Variants in COL28A1 observed in about 807,000 individuals in gnomAD.
COL28A1 encodes collagen alpha-1(XXVIII) chain.
In COL28A1, 161 loss-of-function variants were observed where a neutral mutation model predicts 150.2. The ratio of observed to expected loss-of-function variants is 1.07; its 90% CI spans 0.94 to 1.22. COL28A1 has a LOEUF of 1.22. Among genes scored for constraint, COL28A1 ranks in the 50% most tolerant of loss-of-function variants. The pLI, the probability that COL28A1 is intolerant of heterozygous loss-of-function variation, is 0.00. For synonymous variants in COL28A1, 552 were observed against 469.7 expected (o/e 1.18, Z -2.26); for missense variants, 1,617 against 1,388.3 (o/e 1.16, Z -2.62).
chr7:7,354,231 C>T (rs939388312), downstream of COL28A1, among the ~76,000 whole-genome samples: 64 of 152,054 alleles, frequency 4.2e-4, 1 homozygote, highest in African/African-American at 1.5e-3. Flanking sequence ...TGGGCTCAAG[C>T]GATCTGCCCA....
At chr7:7,507,968 C>T (rs1212337665) in intron 9 of COL28A1, among the ~76,000 whole-genome samples, 1 of 152,168 alleles carries the variant, frequency 6.6e-6, no homozygotes, top group Non-Finnish European at 1.5e-5. Flanking sequence ...CGTGCTGGCT[C>T]ACGCCTGTAA....
At chr7:7,465,225 G>T (rs1787971852) in intron 15 of COL28A1, among the ~76,000 whole-genome samples, 1 of 151,640 alleles carries the variant, frequency 6.6e-6, no homozygotes, top group Non-Finnish European at 1.5e-5. Context: ...GTGCCAGACA[G>T]TGGGCGCCGG....
chr7:7,509,983 T>C (rs552525765), intron 9 of COL28A1, among the ~76,000 whole-genome samples: 5 of 152,196 alleles, frequency 3.3e-5, no homozygotes, highest in Admixed American at 6.5e-5. Context: ...TCTCAATCTA[T>C]TTAAAGTGTT....
At chr7:7,443,778 C>A in intron 19 of COL28A1, 125 bp from the exon 20 acceptor site, 1 of 1,325,760 alleles carries the variant, frequency 7.5e-7, no homozygotes, top group South Asian at 1.8e-5. Context: ...ACCATACCTT[C>A]ACTCTAGTCT....
chr7:7,524,517 G>T (rs1381559268), intron 3 of COL28A1, among the ~76,000 whole-genome samples: 5 of 152,054 alleles, frequency 3.3e-5, no homozygotes, highest in Non-Finnish European at 7.4e-5. Flanking sequence ...TTTATCTTTT[G>T]TTTCCTTTAT....
chr7:7,427,954 C>T (rs1784737094), intron 25 of COL28A1, among the ~76,000 whole-genome samples: 1 of 152,094 alleles, frequency 6.6e-6, no homozygotes, highest in Non-Finnish European at 1.5e-5. Flanking sequence ...GTTTTTCATT[C>T]ATTCATCCAT....
At chr7:7,445,615 G>A (rs765446754) in intron 18 of COL28A1, among the ~76,000 whole-genome samples, 16 of 152,022 alleles carry the variant, frequency 1.1e-4, no homozygotes, top group Non-Finnish European at 2.1e-4. Context: ...GTTAATTTAC[G>A]ATTAGTAATA....
At chr7:7,384,589 G>T (rs2128290829) in intron 27 of COL28A1, among the ~76,000 whole-genome samples, 2 of 152,102 alleles carry the variant, frequency 1.3e-5, no homozygotes, top group Non-Finnish European at 1.5e-5. Flanking sequence ...TTTTAAATTA[G>T]GCCTTATTAT....
intron 13 of COL28A1, among the ~76,000 whole-genome samples, chr7:7,485,296 C>T (rs1779564503): frequency 6.6e-6 from 1 of 151,792 alleles, no homozygotes; most frequent in Admixed American, 6.6e-5. Context: ...GATATTTTGC[C>T]CAATTTCTAA....
At chr7:7,362,674 GA>G (rs1780731277) in intron 33 of COL28A1, among the ~76,000 whole-genome samples, 1 of 152,094 alleles carries the variant, frequency 6.6e-6, no homozygotes, top group African/African-American at 2.4e-5. Flanking sequence ...AATACAATAG[GA>G]AATTTTCACT....
chr7:7,413,593 C>T (rs941889265), intron 27 of COL28A1, among the ~76,000 whole-genome samples: 16 of 152,304 alleles, frequency 1.1e-4, no homozygotes, highest in South Asian at 1.0e-3. Context: ...TACATACTCC[C>T]TTTTTGCCTG....
In COL28A1 at chr7:7,358,559, T is replaced by C; in HGVS notation, c.*74A>G. 7.5e-7 allele frequency: 1 copy of C among 1,332,176 alleles called. No individual in the cohort carries two copies. The highest frequency in any genetic ancestry group is 1.1e-6 in the Non-Finnish European group (1 of 940,062). 82.5% of individuals were successfully genotyped at this position (1,332,176 alleles called of 1,614,324 possible). ...CTCAGTATACACTCAAATATAGTGC[T>C]GTATTTGTATTGGGTGAATATGTGG... On this transcript the variant is annotated 3_prime_UTR_variant, in exon 35 of 35. Coordinates refer to ENST00000399429, the MANE Select transcript of COL28A1 (RefSeq NM_001037763.3).
intron 13 of COL28A1, among the ~76,000 whole-genome samples, chr7:7,482,486 T>C (rs529967437): frequency 2.2e-4 from 34 of 151,450 alleles, no homozygotes; most frequent in Non-Finnish European, 4.4e-4. Flanking sequence ...GATCGCCCAA[T>C]TGTGCTCCAG....
At chr7:7,449,740 T>C (rs1043345996) in intron 18 of COL28A1, among the ~76,000 whole-genome samples, 8 of 151,832 alleles carry the variant, frequency 5.3e-5, no homozygotes, top group Non-Finnish European at 7.4e-5. Context: ...AGTTAAAAGA[T>C]ATAGAAAAAA....
At chr7:7,415,615 C>A (rs1784032769) in intron 27 of COL28A1, among the ~76,000 whole-genome samples, 1 of 152,178 alleles carries the variant, frequency 6.6e-6, no homozygotes, top group African/African-American at 2.4e-5. Flanking sequence ...CTCACTGCAA[C>A]CTCCGCCTCC....
chr7:7,529,793 C>T lies in COL28A1; in HGVS notation c.681+1555G>A, dbSNP rs115407966. Among the ~76,000 whole-genome samples the T allele has an allele frequency of 6.2e-3, 939 of 152,344 alleles. 11 individuals carry two copies. The highest frequency in any genetic ancestry group is 0.019 in the African/African-American group (787 of 41,584). ...CACATCACCAGGATTCTCTCCCACA[C>T]GGGCTGGAGCCCTCTGTTTTATGTT... On this transcript the variant is annotated intron_variant, in intron 3 of 34. Transcript: ENST00000399429.
intron 30 of COL28A1, among the ~76,000 whole-genome samples, chr7:7,379,836 G>C (rs549987966): frequency 6.6e-6 from 1 of 151,964 alleles, no homozygotes; most frequent in Non-Finnish European, 1.5e-5. Context: ...GGCATCTTTC[G>C]GGGTCTGACT....
At chr7:7,474,829 A>C (rs2128351551) in intron 14 of COL28A1, among the ~76,000 whole-genome samples, 160 bp from the exon 15 acceptor site, 2 of 152,328 alleles carry the variant, frequency 1.3e-5, no homozygotes, top group East Asian at 3.9e-4. Flanking sequence ...TGACTCTGAG[A>C]TTTGCAACTT....
upstream of COL28A1, among the ~76,000 whole-genome samples, chr7:7,536,429 A>G (rs1024546575): frequency 3.9e-5 from 6 of 152,134 alleles, no homozygotes; most frequent in African/African-American, 1.4e-4. Flanking sequence ...GAAATGAGAG[A>G]GTAGATTTAA....
Sources: allele counts gnomAD v4.1 joint callset (sites outside exome capture counted in the v4.1 genomes callset), GRCh38; gene constraint gnomAD v4.1.1; transcripts MANE v1.5; gene names NCBI Gene and HGNC (gene_info 2026-07-23, HGNC 2026-07-21).